ARHGAP29: variants seen among roughly 807,000 people sequenced by gnomAD.
ARHGAP29 encodes rho GTPase-activating protein 29.
A neutral mutation model predicts 122.6 loss-of-function variants in ARHGAP29; 43 were observed. That is an observed-to-expected ratio of 0.35 (90% CI 0.27 to 0.45). ARHGAP29 has a LOEUF of 0.45. Among genes scored for constraint, ARHGAP29 ranks in the 20% least tolerant of loss-of-function variants. ARHGAP29 has a pLI of 1.00. For missense variants in ARHGAP29, 1,303 were observed against 1,477.2 expected (o/e 0.88, Z 1.93); for synonymous variants, 506 against 497.1 (o/e 1.02, Z -0.24).
At chr1:94,284,777 A>G in the ARHGAP29 span, among the ~76,000 whole-genome samples, 29 of 152,252 alleles carry the variant, frequency 1.9e-4, no homozygotes, top group South Asian at 2.7e-3. Flanking sequence ...CCTGTCTAGT[A>G]CACACAGTTT....
chr1:94,189,387 A>T (rs1295687096), intron 13 of ARHGAP29, 35 bp from the exon 14 acceptor site: 1 of 1,577,924 alleles, frequency 6.3e-7, no homozygotes, highest in Non-Finnish European at 8.6e-7. Context: ...ACAAAACTCA[A>T]CACTCCAAAG....
chr1:94,195,958 G>A (rs1415919748), intron 12 of ARHGAP29: 1 of 152,134 alleles, frequency 6.6e-6, no homozygotes, highest in East Asian at 1.9e-4. Context: ...ATTAATAATT[G>A]TTACTGTGTA....
chr1:94,177,788 A>T (rs1649189765), intron 21 of ARHGAP29, 64 bp downstream of exon 21: 6 of 1,556,040 alleles, frequency 3.9e-6, no homozygotes, highest in Middle Eastern at 1.7e-4. Flanking sequence ...CAGTTCAAAG[A>T]TCTTTAACTT....
intron 1 of ARHGAP29, among the ~76,000 whole-genome samples, chr1:94,248,991 G>A (rs965946863): frequency 1.2e-4 from 19 of 152,240 alleles, no homozygotes; most frequent in African/African-American, 4.3e-4. Flanking sequence ...TGGGATTAGA[G>A]GCATGAGCTA....
chr1:94,179,713 T>TA lies in ARHGAP29; in HGVS notation c.2480+11dup, dbSNP rs745990026. On this transcript the variant is annotated intron_variant, in intron 20 of 22. Coordinates refer to ENST00000260526, the MANE Select transcript of ARHGAP29 (RefSeq NM_004815.4). ...CCCATTAATAAATGTTCTAGTTATA[T>TA]AAAATTCTTACCGCTTTAGATGTAC... 7 of 1,548,250 alleles carry TA rather than the reference T, an allele frequency of 4.5e-6. No individual in the cohort carries two copies. The highest frequency in any genetic ancestry group is 6.2e-6 in the Non-Finnish European group (7 of 1,132,044).
intron 14 of ARHGAP29, 47 bp from the exon 15 acceptor site, chr1:94,188,988 A>G (rs1649973680): frequency 1.3e-6 from 2 of 1,538,846 alleles, no homozygotes; most frequent in Non-Finnish European, 1.8e-6. Flanking sequence ...GGTAGATTTC[A>G]TAAGGTAAAA....
intron 1 of ARHGAP29, among the ~76,000 whole-genome samples, chr1:94,256,842 G>A (rs1654376075): frequency 2.0e-5 from 3 of 151,870 alleles, no homozygotes; most frequent in Admixed American, 6.6e-5. Flanking sequence ...ACAGGCGTGA[G>A]CCACCGCGCC....
At position 94,201,921 on chromosome 1, in the gene ARHGAP29, T is replaced by C. The variant is rs1269953736; in HGVS notation, c.1144-64A>G. On this transcript the variant is annotated intron_variant, in intron 11 of 22. Coordinates refer to ENST00000260526, the MANE Select transcript of ARHGAP29 (RefSeq NM_004815.4). ...TTATATTTTAAACAAATATTTACTA[T>C]AGTAAAGCTAAGTTGAAATAACTGA... 41 of 1,378,660 alleles carry C rather than the reference T, an allele frequency of 3.0e-5. No individual in the cohort carries two copies. In the East Asian group the frequency reaches 8.3e-4, roughly 28 times the overall value. The allele number at this position is 1,378,660 out of a possible 1,614,324, so 85.4% of individuals were successfully genotyped here. A position where few individuals can be genotyped will look rare whatever the true frequency, so the allele number is the denominator to read the frequency against.
chr1:94,201,692 C>T (rs1570528140), intron 12 of ARHGAP29, 28 bp downstream of exon 12: 2 of 1,612,034 alleles, frequency 1.2e-6, no homozygotes, highest in Non-Finnish European at 1.7e-6. Flanking sequence ...TTTCTTCTTG[C>T]CTTCAAAATA....
chr1:94,247,243 AGT>A (rs1036176588), intron 1 of ARHGAP29, among the ~76,000 whole-genome samples: 1 of 152,078 alleles, frequency 6.6e-6, no homozygotes, highest in Non-Finnish European at 1.5e-5. Context: ...TGAATTCCGC[AGT>A]GAGGCGATGA....
the ARHGAP29 span, among the ~76,000 whole-genome samples, chr1:94,286,802 A>G: frequency 3.3e-5 from 5 of 152,338 alleles, no homozygotes; most frequent in South Asian, 8.3e-4. Context: ...GTCAAAGATG[A>G]TCTCAGAAAG....
intron 3 of ARHGAP29, among the ~76,000 whole-genome samples, chr1:94,218,725 A>C (rs1349239832): frequency 6.6e-6 from 1 of 152,160 alleles, no homozygotes; most frequent in African/African-American, 2.4e-5. Flanking sequence ...AATCATCTAC[A>C]TTTTTTTCAG....
intron 1 of ARHGAP29, among the ~76,000 whole-genome samples, chr1:94,256,963 T>G (rs761140898): frequency 6.6e-6 from 1 of 152,192 alleles, no homozygotes; most frequent in Non-Finnish European, 1.5e-5. Context: ...TATATACTTT[T>G]CAGGTTTTTT....
At chr1:94,238,316 G>C (rs181098827), upstream of ARHGAP29, among the ~76,000 whole-genome samples, 797 of 151,740 alleles carry the variant, frequency 5.3e-3, 1 homozygote, top group Non-Finnish European at 8.8e-3. Flanking sequence ...TGATCCACCC[G>C]CCTCAGCCTC....
the ARHGAP29 span, among the ~76,000 whole-genome samples, chr1:94,314,534 C>T: frequency 2.0e-5 from 3 of 152,186 alleles, no homozygotes; most frequent in Non-Finnish European, 4.4e-5. Flanking sequence ...AGAGGCAGCA[C>T]TGAGTTGACC....
chr1:94,218,044 A>G (rs1298879855), intron 3 of ARHGAP29, among the ~76,000 whole-genome samples: 1 of 152,174 alleles, frequency 6.6e-6, no homozygotes, highest in Non-Finnish European at 1.5e-5. Flanking sequence ...CTGCCTTTCC[A>G]GGTTTTGAAA....
At chr1:94,295,380 T>G in the ARHGAP29 span, among the ~76,000 whole-genome samples, 1 of 152,232 alleles carries the variant, frequency 6.6e-6, no homozygotes, top group African/African-American at 2.4e-5. Context: ...TAGAGGAAGC[T>G]GAGAAATTGG....
intron 12 of ARHGAP29, chr1:94,193,667 T>C (rs1295388731): frequency 6.6e-6 from 1 of 152,212 alleles, no homozygotes; most frequent in Non-Finnish European, 1.5e-5. Context: ...AGAACTGATT[T>C]CTGTATTTAG....
the ARHGAP29 span, among the ~76,000 whole-genome samples, chr1:94,283,855 T>C: frequency 1.3e-5 from 2 of 152,170 alleles, no homozygotes; most frequent in Non-Finnish European, 2.9e-5. Context: ...AAAGTCCCAA[T>C]CCCATTTCCA....
Sources: allele counts gnomAD v4.1 joint callset (sites outside exome capture counted in the v4.1 genomes callset), GRCh38; gene constraint gnomAD v4.1.1; transcripts MANE v1.5; gene names NCBI Gene and HGNC (gene_info 2026-07-23, HGNC 2026-07-21).